Variants in AKIRIN2 observed in about 807,000 individuals in gnomAD.
AKIRIN2 encodes the protein akirin-2.
A neutral mutation model predicts 29.3 loss-of-function variants in AKIRIN2; 6 were observed. That is an observed-to-expected ratio of 0.20 (90% CI 0.11 to 0.40). The LOEUF (loss-of-function observed/expected upper bound fraction) is 0.40, where lower values mean the gene tolerates loss of function less well. Ranked by LOEUF, AKIRIN2 falls within the 10% of genes least tolerant of loss-of-function variation. AKIRIN2 has a pLI of 1.00. For synonymous variants in AKIRIN2, 128 were observed against 117.5 expected, an observed-to-expected ratio of 1.09 and a Z score of -0.58; for missense variants, 210 against 276.1, an observed-to-expected ratio of 0.76 and a Z score of 1.70.
chr6:87,679,403 A>G (rs1771082956), intron 2 of AKIRIN2, among the ~76,000 whole-genome samples: 1 of 147,964 alleles, frequency 6.8e-6, no homozygotes, highest in African/African-American at 2.7e-5. Flanking sequence ...ACGTGCCTGT[A>G]GTTCTAGCTA....
At chr6:87,691,491 A>G (rs184450362) in intron 1 of AKIRIN2, among the ~76,000 whole-genome samples, 1 of 151,662 alleles carries the variant, frequency 6.6e-6, no homozygotes, top group Non-Finnish European at 1.5e-5. Context: ...GGCTGCAACT[A>G]AAGAGGAACT....
chr6:87,702,132 T>G lies in AKIRIN2; in HGVS notation c.-448A>C, dbSNP rs911497498. 14 of 398,872 alleles carry G rather than the reference T, an allele frequency of 3.5e-5. No homozygotes were observed. The highest frequency in any genetic ancestry group is 2.9e-4 in the African/African-American group (14 of 48,658). 24.7% of individuals were successfully genotyped at this position (398,872 alleles called of 1,614,324 possible). A position where few individuals can be genotyped will look rare whatever the true frequency, so the allele number is the denominator to read the frequency against. On this transcript the variant is annotated 5_prime_UTR_variant, in exon 1 of 5. Transcript: ENST00000257787. ...TCCTAATACGCCCGAGTACGGTCAGTAGCTTGCGAGCGGCGATCGATGCAG... is the reference window on the plus strand; with the variant it reads ...TCCTAATACGCCCGAGTACGGTCAGGAGCTTGCGAGCGGCGATCGATGCAG...
At chr6:87,680,266 C>G (rs1181715446) in intron 2 of AKIRIN2, among the ~76,000 whole-genome samples, 2 of 148,344 alleles carry the variant, frequency 1.3e-5, no homozygotes, top group Non-Finnish European at 3.0e-5. Context: ...TTTTATTTGA[C>G]TATGTTATGG....
At chr6:87,701,369 C>T (rs1424821325) in intron 1 of AKIRIN2, 81 bp downstream of exon 1, 1 of 1,413,882 alleles carries the variant, frequency 7.1e-7, no homozygotes, top group African/African-American at 1.5e-5. Flanking sequence ...GCACCCCCAC[C>T]CCAGGGGCCG....
At chr6:87,696,174 AG>A (rs555769740) in intron 1 of AKIRIN2, among the ~76,000 whole-genome samples, 3 of 152,054 alleles carry the variant, frequency 2.0e-5, no homozygotes, top group African/African-American at 7.2e-5. Flanking sequence ...AGACTGTCTC[AG>A]AAAACAAAAA....
chr6:87,676,505 C>A (rs982064667), intron 3 of AKIRIN2, among the ~76,000 whole-genome samples: 5 of 149,558 alleles, frequency 3.3e-5, no homozygotes, highest in African/African-American at 1.2e-4. Flanking sequence ...AGCTGTAATC[C>A]CAGCACTTTG....
At chr6:87,681,249 G>A (rs988902985) in intron 2 of AKIRIN2, among the ~76,000 whole-genome samples, 3 of 152,128 alleles carry the variant, frequency 2.0e-5, no homozygotes, top group African/African-American at 7.2e-5. Context: ...TGTTGGCCAG[G>A]CTGGTCTCAA....
chr6:87,682,755 G>C (rs77635591), intron 1 of AKIRIN2, among the ~76,000 whole-genome samples: 3 of 152,124 alleles, frequency 2.0e-5, no homozygotes, highest in Admixed American at 6.5e-5. Context: ...GTGGAGTGTA[G>C]CCTTAACATT....
chr6:87,676,748 C>G (rs762081572), intron 3 of AKIRIN2, among the ~76,000 whole-genome samples: 19 of 151,284 alleles, frequency 1.3e-4, no homozygotes, highest in Non-Finnish European at 2.5e-4. Context: ...CCACTGCACT[C>G]CGGCCTGGGC....
At position 87,699,103 on chromosome 6, in the gene AKIRIN2, C is replaced by T. The variant is rs559234613; in HGVS notation, c.235+2347G>A. On this transcript the variant is annotated intron_variant, in intron 1 of 4. Transcript: ENST00000257787. The stretch of plus-strand genomic sequence containing the variant: ...CACTGTCTACTTCCAAACCTAACTA[C>T]TCATTTTAGTTAATGACAGATGGGT... 5.9e-5 allele frequency among the ~76,000 whole-genome samples: 9 copies of T among 152,274 alleles called. No individual in the cohort carries two copies. The South Asian group carries it at 1.7e-3, about 28-fold the overall frequency.
chr6:87,680,283 A>ATTTTTTTTTTTTTTTTTTT (rs10563070), intron 2 of AKIRIN2, among the ~76,000 whole-genome samples: 1 of 79,578 alleles, frequency 1.3e-5, no homozygotes, highest in Non-Finnish European at 2.6e-5. Context: ...ATGGTCTTTG[A>ATTTTTTTTTTTTTTTTTTT]TTTTTTTTTT....
At chr6:87,693,562 T>G (rs1242002305) in intron 1 of AKIRIN2, among the ~76,000 whole-genome samples, 1 of 151,970 alleles carries the variant, frequency 6.6e-6, no homozygotes, top group East Asian at 1.9e-4. Flanking sequence ...ACCCTGTCTC[T>G]ACTAAAAATA....
At chr6:87,695,645 G>A (rs971083652) in intron 1 of AKIRIN2, among the ~76,000 whole-genome samples, 5 of 152,104 alleles carry the variant, frequency 3.3e-5, no homozygotes, top group Admixed American at 1.3e-4. Context: ...TTCAGTGATA[G>A]GTACTTGAAA....
At position 87,694,148 on chromosome 6, in the gene AKIRIN2, A is replaced by C. The variant is rs1771322562; in HGVS notation, c.235+7302T>G. Among the ~76,000 whole-genome samples the C allele has an allele frequency of 3.3e-5, 5 of 152,316 alleles. No homozygotes were observed. In the South Asian group the frequency reaches 1.0e-3, roughly 32 times the overall value. ...CATTCCAACTAGTTTGATTTTTTTG[A>C]GGGAGTTTTACAAGAATTAACATTA... On this transcript the variant is annotated intron_variant, in intron 1 of 4. Transcript: ENST00000257787.
chr6:87,693,012 G>A (rs750058725), intron 1 of AKIRIN2, among the ~76,000 whole-genome samples: 3 of 151,136 alleles, frequency 2.0e-5, no homozygotes, highest in Non-Finnish European at 4.4e-5. Flanking sequence ...TCGGATCAAC[G>A]AGGTCAGGAG....
At chr6:87,692,849 TAGAA>T (rs1397400223) in intron 1 of AKIRIN2, among the ~76,000 whole-genome samples, 2 of 151,648 alleles carry the variant, frequency 1.3e-5, no homozygotes, top group Non-Finnish European at 2.9e-5. Context: ...AGTTAATTTT[TAGAA>T]AACAGGAGTT....
At chr6:87,701,254 A>G (rs570851809) in intron 1 of AKIRIN2, among the ~76,000 whole-genome samples, 196 bp downstream of exon 1, 1 of 152,040 alleles carries the variant, frequency 6.6e-6, no homozygotes, top group Non-Finnish European at 1.5e-5. Context: ...TCCCCTTGAC[A>G]TCAGCCCATT....
intron 1 of AKIRIN2, among the ~76,000 whole-genome samples, chr6:87,693,724 C>CAAAAA (rs34150167): frequency 3.0e-5 from 3 of 101,162 alleles, no homozygotes; most frequent in African/African-American, 1.0e-4. Flanking sequence ...GACTCTGTCT[C>CAAAAA]AAAAAAAAAA....
At chr6:87,682,091 G>T (rs746254910) in intron 1 of AKIRIN2, among the ~76,000 whole-genome samples, 5 of 152,142 alleles carry the variant, frequency 3.3e-5, no homozygotes, top group Non-Finnish European at 7.3e-5. Flanking sequence ...CAAACTTAAA[G>T]CTCATTTATT....
Sources: gnomAD v4.1 joint callset for allele counts (sites outside exome capture counted in the v4.1 genomes callset) on GRCh38, gnomAD v4.1.1 for gene constraint, MANE v1.5 for transcripts, NCBI Gene and HGNC (gene_info 2026-07-23, HGNC 2026-07-21) for gene names.